Variants in FRYL observed in about 807,000 individuals in gnomAD.
The protein encoded by FRYL is FRY like transcription coactivator.
Under a neutral mutation model 351.2 loss-of-function variants are expected in FRYL, and 150 were observed. The ratio of observed to expected loss-of-function variants is 0.43; its 90% CI spans 0.37 to 0.49. The LOEUF is 0.49. Ranked by LOEUF, FRYL falls within the 20% of genes least tolerant of loss-of-function variation. The pLI is 0.00. For synonymous variants in FRYL, 1,153 were observed against 1,257.1 expected, an observed-to-expected ratio of 0.92 and a Z score of 1.75; for missense variants, 3,036 against 3,619.3, an observed-to-expected ratio of 0.84 and a Z score of 4.13.
intron 21 of FRYL, 150 bp downstream of exon 21, chr4:48,581,270 C>T (rs1198558500): frequency 1.6e-6 from 1 of 612,170 alleles, no homozygotes; most frequent in Non-Finnish European, 2.8e-6. Context: ...ATCTCCTGAT[C>T]TCGTGATCCG....
At chr4:48,604,466 T>G (rs75473572) in intron 11 of FRYL, among the ~76,000 whole-genome samples, 69 of 152,348 alleles carry the variant, frequency 4.5e-4, no homozygotes, top group African/African-American at 1.5e-3. Context: ...CTAATCCACA[T>G]GACTGGTGTC....
rs750114926 is a variant in FRYL at position 48,540,078 on chromosome 4, C to CA, written c.6296-11dup. The CA allele has an allele frequency of 4.3e-5, 68 of 1,577,818 alleles. No homozygotes were observed. The highest frequency in any genetic ancestry group is 9.2e-5 in the South Asian group (8 of 87,002). ...ATGTTAAGAGGAAAGCCTATCAAAA[C>CA]AAAAAAAAGCAAACAATAACCAATT... On this transcript the variant is annotated splice_polypyrimidine_tract_variant and intron_variant, in intron 46 of 63. Coordinates refer to ENST00000358350, the MANE Select transcript of FRYL (RefSeq NM_015030.2).
At chr4:48,578,025 G>A (rs1740012074) in intron 23 of FRYL, among the ~76,000 whole-genome samples, 1 of 151,150 alleles carries the variant, frequency 6.6e-6, no homozygotes, top group South Asian at 2.1e-4. Context: ...GACTACTCTG[G>A]GTAGGAAGTT....
chr4:48,578,854 C>A (rs990395590), intron 23 of FRYL, 119 bp downstream of exon 23: 14 of 771,766 alleles, frequency 1.8e-5, no homozygotes, highest in Admixed American at 8.4e-5. Flanking sequence ...GACATCAATG[C>A]AGTATCACAT....
intron 1 of FRYL, among the ~76,000 whole-genome samples, chr4:48,742,587 C>T (rs1189273969): frequency 1.3e-5 from 2 of 152,028 alleles, no homozygotes; most frequent in Non-Finnish European, 2.9e-5. Flanking sequence ...TGTAACAGAC[C>T]AACTCAGGAC....
chr4:48,731,227 C>CT lies in FRYL; in HGVS notation c.-383-20530dup, dbSNP rs1770689954. On this transcript the variant is annotated intron_variant, in intron 1 of 63. Coordinates refer to ENST00000358350, the MANE Select transcript of FRYL (RefSeq NM_015030.2). Reference sequence around the variant, plus strand: ...AGCACCCAGATTCAAAAAGCAAGTTCTTAGAGACCTATCAAGAGACTTAAG... The same window carrying CT: ...AGCACCCAGATTCAAAAAGCAAGTTCTTTAGAGACCTATCAAGAGACTTAAG... Among the ~76,000 whole-genome samples, 7 of 152,238 alleles carry CT rather than the reference C, an allele frequency of 4.6e-5. No individual in the cohort carries two copies. In the South Asian group the frequency reaches 1.5e-3, roughly 32 times the overall value.
At position 48,505,544 on chromosome 4, in the gene FRYL, T is replaced by TA. The variant is rs766325876; in HGVS notation, c.8463+2dup. 6.3e-7 allele frequency: 1 copy of TA among 1,589,518 alleles called. No individual in the cohort carries two copies. Among genetic ancestry groups the TA allele is most frequent in the Non-Finnish European group, 8.6e-7 (1 of 1,160,150 alleles). On this transcript the variant is annotated splice_region_variant and intron_variant, in intron 60 of 63. Coordinates refer to ENST00000358350, the MANE Select transcript of FRYL (RefSeq NM_015030.2). Reference sequence around the variant, plus strand: ...GTTGCAAAAACAGGAACAAGAAACTTACTTGTGCATCTGTGTTTATCCTAT... The same window carrying TA: ...GTTGCAAAAACAGGAACAAGAAACTTAACTTGTGCATCTGTGTTTATCCTAT...
intron 7 of FRYL, chr4:48,617,549 G>T (rs1365426502): frequency 6.6e-6 from 1 of 151,646 alleles, no homozygotes; most frequent in Non-Finnish European, 1.5e-5. Context: ...TAGAGATGGG[G>T]TCCCCACTAC....
At chr4:48,672,313 C>CTGTAGGTAT (rs1762881134) in intron 3 of FRYL, among the ~76,000 whole-genome samples, 1 of 151,736 alleles carries the variant, frequency 6.6e-6, no homozygotes, top group Non-Finnish European at 1.5e-5. Flanking sequence ...CACTGCCTGG[C>CTGTAGGTAT]CCCCCATCAT....
intron 55 of FRYL, among the ~76,000 whole-genome samples, chr4:48,518,786 C>T (rs1490560506): frequency 6.6e-6 from 1 of 152,224 alleles, no homozygotes; most frequent in East Asian, 1.9e-4. Context: ...CCCTAACTTT[C>T]TCCTTCACTC....
chr4:48,777,222 C>T (rs1272918853), intron 1 of FRYL, among the ~76,000 whole-genome samples: 1 of 152,134 alleles, frequency 6.6e-6, no homozygotes, highest in Admixed American at 6.5e-5. Context: ...ACAATGTGTT[C>T]ACCATCACAA....
intron 2 of FRYL, among the ~76,000 whole-genome samples, chr4:48,704,327 C>T (rs184258334): frequency 9.1e-4 from 138 of 152,224 alleles, no homozygotes; most frequent in African/African-American, 2.9e-3. Context: ...TTCAATATCA[C>T]TCACAAAGGG....
chr4:48,552,248 T>G (rs991774693), intron 36 of FRYL, among the ~76,000 whole-genome samples: 24 of 76,536 alleles, frequency 3.1e-4, no homozygotes, highest in African/African-American at 9.5e-4. Context: ...CAAAGGGGTG[T>G]GTGTGTGTGT....
intron 4 of FRYL, among the ~76,000 whole-genome samples, chr4:48,628,804 C>T (rs1345622761): frequency 3.3e-5 from 5 of 151,588 alleles, no homozygotes; most frequent in Admixed American, 6.6e-5. Flanking sequence ...AATTATTATA[C>T]GTCAATTATT....
At chr4:48,763,457 G>A (rs1379190286) in intron 1 of FRYL, among the ~76,000 whole-genome samples, 2 of 151,802 alleles carry the variant, frequency 1.3e-5, no homozygotes, top group African/African-American at 4.8e-5. Flanking sequence ...GTGTGACCTT[G>A]TCTCTTAAAA....
intron 3 of FRYL, chr4:48,681,235 G>A (rs1578706272): frequency 5.5e-6 from 2 of 362,618 alleles, no homozygotes; most frequent in African/African-American, 2.2e-5. Context: ...GCAAATAAAC[G>A]TCATATGAAT....
intron 3 of FRYL, among the ~76,000 whole-genome samples, chr4:48,649,198 T>C (rs1578518556): frequency 6.6e-6 from 1 of 152,170 alleles, no homozygotes. Context: ...TTTAGATGAA[T>C]GTATAATGTG....
intron 1 of FRYL, among the ~76,000 whole-genome samples, chr4:48,778,751 C>T (rs556770564): frequency 6.6e-6 from 1 of 152,250 alleles, no homozygotes; most frequent in East Asian, 1.9e-4. Flanking sequence ...AATTCAGTAG[C>T]AGAATCAACT....
In FRYL at chr4:48,605,771, T is replaced by C. The variant is rs377596360; in HGVS notation, c.804A>G (p.Leu268=). ...DKDIKHALAG[L]FVEILIPVAA... The stretch of plus-strand genomic sequence containing the variant: ...CTACAGGGATAAGAATCTCCACAAA[T>C]AAACCAGCAAGTGCATGTTTTATAT... Residue 268 remains leucine (L), a synonymous_variant, in exon 11 of 64, where the codon TTA becomes TTG. Transcript: ENST00000358350. 4 of 1,608,634 alleles carry C rather than the reference T, an allele frequency of 2.5e-6. No homozygotes were observed. The highest frequency in any genetic ancestry group is 2.6e-6 in the Non-Finnish European group (3 of 1,175,860).
Sources: gnomAD v4.1 joint callset for allele counts (sites outside exome capture counted in the v4.1 genomes callset) on GRCh38, gnomAD v4.1.1 for gene constraint, MANE v1.5 for transcripts, NCBI Gene and HGNC (gene_info 2026-07-23, HGNC 2026-07-21) for gene names.